CDK14: variants seen among roughly 807,000 people sequenced by gnomAD.
CDK14 encodes cyclin dependent kinase 14, also known as cyclin-dependent kinase 14.
CDK14 carries 34 observed loss-of-function variants against 60.7 expected under a neutral mutation model. The observed-to-expected ratio is 0.56, with a 90% CI of 0.43 to 0.75. The LOEUF (loss-of-function observed/expected upper bound fraction) is 0.75, where lower values mean the gene tolerates loss of function less well. Ranked by LOEUF, CDK14 falls within the 30% of genes least tolerant of loss-of-function variation. The pLI is 0.00. For synonymous variants in CDK14, 197 were observed against 203.7 expected (o/e 0.97, Z 0.28); for missense variants, 482 against 564.1 (o/e 0.85, Z 1.47).
intron 4 of CDK14, among the ~76,000 whole-genome samples, chr7:90,786,633 T>C (rs1805592864): frequency 6.6e-6 from 1 of 152,154 alleles, no homozygotes; most frequent in African/African-American, 2.4e-5. Context: ...AACTTTAAAA[T>C]AAGGCTGGAC....
intron 4 of CDK14, among the ~76,000 whole-genome samples, chr7:90,748,383 T>G (rs1200624224): frequency 6.6e-6 from 1 of 152,198 alleles, no homozygotes; most frequent in East Asian, 1.9e-4. Context: ...TGTTTCTGAT[T>G]GACCTCCTTA....
chr7:90,650,672 A>C (rs1315287996), intron 2 of CDK14, among the ~76,000 whole-genome samples: 2 of 152,232 alleles, frequency 1.3e-5, no homozygotes, highest in African/African-American at 4.8e-5. Context: ...AGCTTTCTAC[A>C]TATGGCTAGC....
intron 5 of CDK14, among the ~76,000 whole-genome samples, chr7:90,808,953 G>A (rs1788977284): frequency 1.3e-5 from 2 of 152,112 alleles, no homozygotes. Context: ...CAATACAGAA[G>A]CACCCAGATT....
At chr7:90,841,317 C>T (rs1790282788) in intron 5 of CDK14, among the ~76,000 whole-genome samples, 2 of 151,916 alleles carry the variant, frequency 1.3e-5, no homozygotes, top group Admixed American at 1.3e-4. Flanking sequence ...AAAAAGTGAT[C>T]AATTTTAGCT....
intron 8 of CDK14, among the ~76,000 whole-genome samples, chr7:90,920,915 C>T (rs1793229316): frequency 6.6e-6 from 1 of 151,754 alleles, no homozygotes; most frequent in Non-Finnish European, 1.5e-5. Flanking sequence ...CTCTGAATTC[C>T]AGGTAGTCAA....
intron 5 of CDK14, among the ~76,000 whole-genome samples, chr7:90,798,639 C>T (rs759472076): frequency 1.3e-5 from 2 of 152,214 alleles, no homozygotes; most frequent in African/African-American, 4.8e-5. Flanking sequence ...CTACTTGCCA[C>T]TCACAGGCTT....
intron 11 of CDK14, among the ~76,000 whole-genome samples, chr7:91,047,680 A>C (rs1797277327): frequency 6.6e-6 from 1 of 152,222 alleles, no homozygotes; most frequent in African/African-American, 2.4e-5. Flanking sequence ...GAAACAGAAA[A>C]GTAACATATG....
intron 6 of CDK14, among the ~76,000 whole-genome samples, chr7:90,889,877 C>G (rs958329815): frequency 1.3e-5 from 2 of 152,122 alleles, no homozygotes; most frequent in African/African-American, 4.8e-5. Context: ...CATACCATGT[C>G]TTATGATGCA....
At chr7:90,966,964 ATTTTATTTCCTAACTGACAC>A (rs1383838556) in intron 9 of CDK14, among the ~76,000 whole-genome samples, 2 of 152,034 alleles carry the variant, frequency 1.3e-5, no homozygotes, top group African/African-American at 4.8e-5. Context: ...CTTGTTTAAA[ATTTTATTTCCTAACTGACAC>A]TTTGGTCACT....
chr7:90,992,915 G>A lies in CDK14; in HGVS notation c.1041+8674G>A, dbSNP rs1562860108. On this transcript the variant is annotated intron_variant, in intron 10 of 14. Coordinates refer to ENST00000380050, the MANE Select transcript of CDK14 (RefSeq NM_001287135.2). ...CGGAGTTTGAAGTACAACTGAATAC[G>A]TATTCCAAGTAGGAATTATGCTGGG... Among the ~76,000 whole-genome samples the A allele has an allele frequency of 2.0e-5, 3 of 152,258 alleles. No homozygotes were observed. In the South Asian group the frequency reaches 6.2e-4, roughly 32 times the overall value.
intron 5 of CDK14, among the ~76,000 whole-genome samples, chr7:90,841,024 G>A (rs2117144932): frequency 6.6e-6 from 1 of 152,250 alleles, no homozygotes; most frequent in Middle Eastern, 3.4e-3. Flanking sequence ...AAATGGGAGG[G>A]AAGGTATCAA....
chr7:90,881,251 C>T (rs1430654525), intron 6 of CDK14, among the ~76,000 whole-genome samples: 2 of 152,104 alleles, frequency 1.3e-5, no homozygotes, highest in African/African-American at 2.4e-5. Flanking sequence ...GGAACATAAA[C>T]GACCTGATGG....
chr7:90,875,512 A>G (rs1032728981), intron 6 of CDK14, among the ~76,000 whole-genome samples: 8 of 150,968 alleles, frequency 5.3e-5, no homozygotes, highest in African/African-American at 1.9e-4. Context: ...ACTTGGCAAC[A>G]CTTGTTATTT....
intron 7 of CDK14, among the ~76,000 whole-genome samples, chr7:90,910,187 G>T (rs986491735): frequency 1.3e-5 from 2 of 152,046 alleles, no homozygotes; most frequent in Non-Finnish European, 2.9e-5. Flanking sequence ...CTGTATAACC[G>T]TCTAAGTATT....
intron 2 of CDK14, among the ~76,000 whole-genome samples, chr7:90,718,839 T>A (rs1225375096): frequency 6.6e-6 from 1 of 152,156 alleles, no homozygotes; most frequent in Admixed American, 6.6e-5. Flanking sequence ...CAGTTATCAT[T>A]GGTTATGATT....
intron 2 of CDK14, among the ~76,000 whole-genome samples, chr7:90,639,454 T>C (rs1186851013): frequency 1.3e-5 from 2 of 152,054 alleles, no homozygotes. Context: ...ATTTTCGTGT[T>C]ACATGAATGC....
At chr7:90,986,767 T>C (rs1795382508) in intron 10 of CDK14, among the ~76,000 whole-genome samples, 1 of 151,988 alleles carries the variant, frequency 6.6e-6, no homozygotes, top group Admixed American at 6.6e-5. Context: ...ATAAAGCTCA[T>C]GTATAATGAT....
At chr7:90,830,126 C>A (rs1181106822) in intron 5 of CDK14, among the ~76,000 whole-genome samples, 11 of 152,160 alleles carry the variant, frequency 7.2e-5, no homozygotes, top group African/African-American at 2.4e-4. Context: ...GGGGCTCCAA[C>A]CCCACATTTT....
chr7:90,610,442 C>A (rs1249491964), intron 2 of CDK14, among the ~76,000 whole-genome samples: 1 of 152,220 alleles, frequency 6.6e-6, no homozygotes, highest in Non-Finnish European at 1.5e-5. Flanking sequence ...TTCACTCCCC[C>A]TAAGCCTTCT....
Sources: allele counts gnomAD v4.1 joint callset (sites outside exome capture counted in the v4.1 genomes callset), GRCh38; gene constraint gnomAD v4.1.1; transcripts MANE v1.5; gene names NCBI Gene and HGNC (gene_info 2026-07-23, HGNC 2026-07-21).